Variants in KCNAB1 observed in about 807,000 individuals in gnomAD.
KCNAB1 encodes voltage-gated potassium channel subunit beta-1.
Under a neutral mutation model 64.6 loss-of-function variants are expected in KCNAB1, and 35 were observed. The ratio of observed to expected loss-of-function variants is 0.54; its 90% CI spans 0.41 to 0.72. The LOEUF is 0.72. KCNAB1 is among the 30% of genes least tolerant of loss of function. The pLI is 0.00. For missense variants in KCNAB1, 401 were observed against 512.9 expected (o/e 0.78, Z 2.11); for synonymous variants, 177 against 183.8 (o/e 0.96, Z 0.30).
chr3:156,243,863 T>A (rs905371628), intron 1 of KCNAB1, among the ~76,000 whole-genome samples: 1 of 152,190 alleles, frequency 6.6e-6, no homozygotes, highest in Admixed American at 6.5e-5. Context: ...AGATGCCTAG[T>A]AGGCTGTAGC....
chr3:156,319,429 C>T (rs1488818748), intron 1 of KCNAB1, among the ~76,000 whole-genome samples: 1 of 152,208 alleles, frequency 6.6e-6, no homozygotes, highest in East Asian at 1.9e-4. Context: ...GCAAATGGTA[C>T]ACTGGCTGTT....
At chr3:156,255,478 AG>A (rs1718050310) in intron 1 of KCNAB1, among the ~76,000 whole-genome samples, 1 of 152,142 alleles carries the variant, frequency 6.6e-6, no homozygotes, top group Non-Finnish European at 1.5e-5. Flanking sequence ...AATTGAGTTT[AG>A]TAAGCTGGCA....
intron 1 of KCNAB1, among the ~76,000 whole-genome samples, chr3:156,196,352 C>A (rs7372394): frequency 0.73 from 110,747 of 152,096 alleles, 40,592 homozygotes; most frequent in East Asian, 0.9. Flanking sequence ...GAAGAAAGTC[C>A]ATGGTAGCTT....
At chr3:156,122,835 G>A (rs1370518671) in intron 1 of KCNAB1, among the ~76,000 whole-genome samples, 1 of 152,170 alleles carries the variant, frequency 6.6e-6, no homozygotes, top group South Asian at 2.1e-4. Context: ...TTATTACAGA[G>A]TTCAATGTTT....
At chr3:156,337,887 C>T (rs924042479) in intron 1 of KCNAB1, among the ~76,000 whole-genome samples, 2 of 152,116 alleles carry the variant, frequency 1.3e-5, no homozygotes, top group Non-Finnish European at 2.9e-5. Context: ...TTCTTTATGC[C>T]GTGTCACATT....
intron 8 of KCNAB1, among the ~76,000 whole-genome samples, chr3:156,493,678 T>C (rs1187511291): frequency 6.6e-6 from 1 of 152,146 alleles, no homozygotes; most frequent in Non-Finnish European, 1.5e-5. Context: ...TAGCTACTCA[T>C]CATGTGTCTT....
intron 8 of KCNAB1, among the ~76,000 whole-genome samples, chr3:156,502,569 CACACAA>C (rs1448923797): frequency 4.9e-4 from 67 of 137,926 alleles, no homozygotes; most frequent in African/African-American, 1.8e-3. Context: ...CACACACACA[CACACAA>C]ATTCAAGATG....
intron 1 of KCNAB1, chr3:156,176,870 C>T: frequency 8.5e-7 from 1 of 1,170,224 alleles, no homozygotes; most frequent in Non-Finnish European, 1.3e-6. Flanking sequence ...TGACTGGGAC[C>T]AGCGGTAACT....
chr3:156,197,684 C>T (rs1050354280), intron 1 of KCNAB1, among the ~76,000 whole-genome samples: 14 of 152,090 alleles, frequency 9.2e-5, no homozygotes, highest in African/African-American at 3.4e-4. Flanking sequence ...TGATTCTTCT[C>T]TCTTTTCTTC....
chr3:156,472,025 A>C (rs974987483), intron 7 of KCNAB1, among the ~76,000 whole-genome samples: 2 of 152,152 alleles, frequency 1.3e-5, no homozygotes, highest in African/African-American at 4.8e-5. Context: ...GCCTCCTCTG[A>C]ATGCCAGACT....
chr3:156,141,258 A>G (rs537494857), intron 1 of KCNAB1, among the ~76,000 whole-genome samples: 77 of 152,220 alleles, frequency 5.1e-4, no homozygotes, highest in African/African-American at 1.8e-3. Context: ...CCAATATTAT[A>G]TGCACTCATT....
intron 1 of KCNAB1, among the ~76,000 whole-genome samples, chr3:156,398,870 G>T (rs1713683071): frequency 6.6e-6 from 1 of 152,156 alleles, no homozygotes; most frequent in African/African-American, 2.4e-5. Context: ...CTATTTTGGA[G>T]ATGGTTGTCC....
intron 8 of KCNAB1, among the ~76,000 whole-genome samples, chr3:156,482,925 G>A (rs192294162): frequency 1.7e-3 from 265 of 152,184 alleles, no homozygotes; most frequent in Non-Finnish European, 3.2e-3. Context: ...TATCCTAGAG[G>A]TCTCAAAGAA....
chr3:156,151,268 T>C (rs1577643825), intron 1 of KCNAB1, among the ~76,000 whole-genome samples: 1 of 152,268 alleles, frequency 6.6e-6, no homozygotes, highest in East Asian at 1.9e-4. Context: ...GTGTCACCTC[T>C]CCACACTTAG....
intron 1 of KCNAB1, among the ~76,000 whole-genome samples, chr3:156,399,386 G>T (rs180820720): frequency 2.6e-5 from 4 of 152,330 alleles, no homozygotes; most frequent in Non-Finnish European, 5.9e-5. Context: ...TCAAGTCTGG[G>T]CCATTTGTGG....
intron 2 of KCNAB1, among the ~76,000 whole-genome samples, chr3:156,426,473 CACA>C (rs1407165334): frequency 4.6e-5 from 7 of 152,158 alleles, no homozygotes; most frequent in Non-Finnish European, 1.0e-4. Context: ...CCTACAGTGC[CACA>C]ACATTATCAA....
At chr3:156,213,591 T>A (rs1211816123) in intron 1 of KCNAB1, among the ~76,000 whole-genome samples, 2 of 152,152 alleles carry the variant, frequency 1.3e-5, no homozygotes, top group Non-Finnish European at 2.9e-5. Flanking sequence ...ATTGCTAAAG[T>A]AGCTTCTGGG....
intron 1 of KCNAB1, among the ~76,000 whole-genome samples, chr3:156,242,440 C>T (rs13086617): frequency 0.1 from 15,683 of 152,124 alleles, 1,114 homozygotes; most frequent in Non-Finnish European, 0.15. Flanking sequence ...ATCCCCCACC[C>T]GCTTCCCACA....
In KCNAB1 at chr3:156,523,594, C is replaced by G; in HGVS notation, c.961-233C>G. On this transcript the variant is annotated intron_variant, in intron 11 of 13. Transcript: ENST00000490337. ...AGGGTTATAACAACTTCTGTGCAGG[C>G]TGATCAATTTGAATGGTGAATATTA... is the stretch of plus-strand genomic sequence containing the variant. 4 of 438,688 alleles carry G rather than the reference C, an allele frequency of 9.1e-6. No homozygotes were observed. In the South Asian group the frequency reaches 1.1e-4, roughly 12 times the overall value. The allele number at this position is 438,688 out of a possible 1,614,324, so 27.2% of individuals were successfully genotyped here.
Sources: gnomAD v4.1 joint callset for allele counts (sites outside exome capture counted in the v4.1 genomes callset) on GRCh38, gnomAD v4.1.1 for gene constraint, MANE v1.5 for transcripts, NCBI Gene and HGNC (gene_info 2026-07-23, HGNC 2026-07-21) for gene names.